POU6F2: variants seen among roughly 807,000 people sequenced by gnomAD.
The protein encoded by POU6F2 is POU class 6 homeobox 2.
POU6F2 carries 31 observed loss-of-function variants against 71.3 expected under a neutral mutation model. The ratio of observed to expected loss-of-function variants is 0.43; its 90% CI spans 0.33 to 0.59. POU6F2 has a LOEUF of 0.59. Among genes scored for constraint, POU6F2 ranks in the 20% least tolerant of loss-of-function variants. The probability of loss-of-function intolerance (pLI) is 0.04; values close to 1 mark genes in which losing one functional copy is unlikely to be tolerated. For missense variants in POU6F2, 783 were observed against 856.8 expected (o/e 0.91, Z 1.07); for synonymous variants, 347 against 355.7 (o/e 0.98, Z 0.27).
intron 1 of POU6F2, among the ~76,000 whole-genome samples, chr7:38,995,450 A>G (rs1788709280): frequency 6.6e-6 from 1 of 152,178 alleles, no homozygotes; most frequent in African/African-American, 2.4e-5. Context: ...GTGCACATGT[A>G]CCCTAAAACT....
intron 2 of POU6F2, among the ~76,000 whole-genome samples, chr7:39,157,137 G>A (rs1339743340): frequency 6.6e-6 from 1 of 152,152 alleles, no homozygotes; most frequent in Non-Finnish European, 1.5e-5. Flanking sequence ...CTGTTAAAAT[G>A]TTCAATTCCG....
chr7:39,026,559 A>C (rs1478140419), intron 1 of POU6F2, among the ~76,000 whole-genome samples: 3 of 151,986 alleles, frequency 2.0e-5, no homozygotes, highest in African/African-American at 7.2e-5. Flanking sequence ...ATGAGAACAC[A>C]TGGACACAGG....
chr7:39,270,952 A>T (rs1046128848), intron 4 of POU6F2, among the ~76,000 whole-genome samples: 5 of 152,116 alleles, frequency 3.3e-5, no homozygotes, highest in Non-Finnish European at 7.4e-5. Context: ...GGATTCTAGG[A>T]TTCTCTGTCA....
At chr7:39,110,533 T>C (rs1373844156) in intron 2 of POU6F2, among the ~76,000 whole-genome samples, 1 of 151,924 alleles carries the variant, frequency 6.6e-6, no homozygotes, top group Non-Finnish European at 1.5e-5. Flanking sequence ...GAGAGAGTAT[T>C]TACACTATGG....
intron 2 of POU6F2, among the ~76,000 whole-genome samples, chr7:39,113,080 C>A (rs1791853873): frequency 6.6e-6 from 1 of 151,868 alleles, no homozygotes; most frequent in Non-Finnish European, 1.5e-5. Flanking sequence ...TAAAAAGAAA[C>A]ATGAGAAAAA....
chr7:39,093,894 ATAT>A (rs1308979476), intron 2 of POU6F2, among the ~76,000 whole-genome samples: 1 of 152,014 alleles, frequency 6.6e-6, no homozygotes, highest in African/African-American at 2.4e-5. Context: ...GCTTTTCTCC[ATAT>A]TTTCTTCATG....
intron 5 of POU6F2, among the ~76,000 whole-genome samples, chr7:39,370,243 A>C (rs1786581899): frequency 6.6e-6 from 1 of 152,194 alleles, no homozygotes; most frequent in South Asian, 2.1e-4. Flanking sequence ...CCTAAGTGCA[A>C]CTTCCTGATG....
Position 39,092,760 on chromosome 7 carries a change from TCTC to T in POU6F2, c.277+6732_277+6734del, listed in dbSNP as rs1227713463. 2.0e-5 allele frequency among the ~76,000 whole-genome samples: 3 copies of T among 152,158 alleles called. No homozygotes were observed. In the East Asian group the frequency reaches 5.8e-4, roughly 29 times the overall value. On this transcript the variant is annotated intron_variant, in intron 2 of 9. Transcript: ENST00000518318. ...ACAAGGGTGGACTTGTTTGGAGACA[TCTC>T]CTACTCTGTGCTGTGACACTTTATG...
intron 2 of POU6F2, among the ~76,000 whole-genome samples, chr7:39,158,446 T>A (rs1190161706): frequency 2.6e-5 from 4 of 151,988 alleles, no homozygotes; most frequent in Non-Finnish European, 4.4e-5. Context: ...TGTGGGTGTA[T>A]TTATTAGGGG....
At chr7:38,985,198 A>G (rs1387121946) in intron 1 of POU6F2, among the ~76,000 whole-genome samples, 1 of 152,150 alleles carries the variant, frequency 6.6e-6, no homozygotes, top group Non-Finnish European at 1.5e-5. Context: ...TGGCACGCCA[A>G]ACTTGCTTCA....
At chr7:39,321,707 T>C (rs563272622) in intron 4 of POU6F2, among the ~76,000 whole-genome samples, 4 of 152,238 alleles carry the variant, frequency 2.6e-5, no homozygotes, top group East Asian at 1.9e-4. Flanking sequence ...ATAAGTTCAA[T>C]TGTGTGCACA....
intron 4 of POU6F2, among the ~76,000 whole-genome samples, chr7:39,238,877 C>T (rs1187049248): frequency 6.6e-6 from 1 of 152,138 alleles, no homozygotes; most frequent in African/African-American, 2.4e-5. Context: ...TGAGCTATTG[C>T]TACACACAGA....
intron 4 of POU6F2, among the ~76,000 whole-genome samples, chr7:39,291,619 C>T (rs761323004): frequency 2.6e-5 from 4 of 152,146 alleles, no homozygotes; most frequent in Non-Finnish European, 5.9e-5. Context: ...GAGAAAATGG[C>T]CTTTGAAACA....
chr7:39,243,442 A>T (rs901125245), intron 4 of POU6F2, among the ~76,000 whole-genome samples: 5 of 152,112 alleles, frequency 3.3e-5, no homozygotes, highest in Non-Finnish European at 7.4e-5. Context: ...TCACCAATGG[A>T]AGACCCAGCC....
chr7:39,329,790 A>T (rs527853714), intron 4 of POU6F2, among the ~76,000 whole-genome samples: 6 of 152,206 alleles, frequency 3.9e-5, no homozygotes, highest in African/African-American at 1.4e-4. Context: ...TCTTTAAATC[A>T]TTTGCACTCA....
intron 1 of POU6F2, among the ~76,000 whole-genome samples, chr7:38,994,509 T>C (rs753729973): frequency 6.6e-6 from 1 of 152,020 alleles, no homozygotes; most frequent in African/African-American, 2.4e-5. Flanking sequence ...ACCCAGGGCA[T>C]GGGGGCAGAG....
chr7:39,459,458 GTTTTGTTTT>G lies in POU6F2; in HGVS notation c.1490-1088_1490-1080del, dbSNP rs1562560849. 2.3e-4 allele frequency among the ~76,000 whole-genome samples: 11 copies of G among 48,304 alleles called. No homozygotes were observed. The East Asian group carries it at 4.7e-3, about 21-fold the overall frequency. The allele number at this position is 48,304 out of a possible 152,430, so 31.7% of individuals were successfully genotyped here. On this transcript the variant is annotated intron_variant, in intron 8 of 9. Coordinates refer to ENST00000518318, the MANE Select transcript of POU6F2 (RefSeq NM_001370959.1). ...CAAATGTTCTGGTTTTGTGGGTTTT[GTTTTGTTTT>G]GTTTTGTTTTGTTTTGTTTTGTTTT...
At chr7:39,015,777 A>G (rs1249648673) in intron 1 of POU6F2, among the ~76,000 whole-genome samples, 2 of 95,680 alleles carry the variant, frequency 2.1e-5, no homozygotes, top group Non-Finnish European at 3.7e-5. Flanking sequence ...TATATATATT[A>G]TATATGGTAT....
At chr7:39,129,080 C>T (rs1394139421) in intron 2 of POU6F2, among the ~76,000 whole-genome samples, 1 of 152,116 alleles carries the variant, frequency 6.6e-6, no homozygotes, top group Non-Finnish European at 1.5e-5. Flanking sequence ...ACTGAGTAAA[C>T]GGTGCTGGCA....
Sources: gnomAD v4.1 joint callset for allele counts (sites outside exome capture counted in the v4.1 genomes callset) on GRCh38, gnomAD v4.1.1 for gene constraint, MANE v1.5 for transcripts, NCBI Gene and HGNC (gene_info 2026-07-23, HGNC 2026-07-21) for gene names.